The following FARS2 variants were observed in gnomAD, a reference collection of about 807,000 sequenced individuals.
FARS2 encodes phenylalanyl-tRNA synthetase 2, mitochondrial, also known as phenylalanine--tRNA ligase, mitochondrial.
Under a neutral mutation model 46.4 loss-of-function variants are expected in FARS2, and 40 were observed. The ratio of observed to expected loss-of-function variants is 0.86; its 90% CI spans 0.67 to 1.12. The LOEUF is 1.12. Ranked by LOEUF, FARS2 falls within the 50% of genes most tolerant of loss-of-function variation. FARS2 has a pLI of 0.00. For missense variants in FARS2, 513 were observed against 567.9 expected, an observed-to-expected ratio of 0.90 and a Z score of 0.98; for synonymous variants, 234 against 214.9, an observed-to-expected ratio of 1.09 and a Z score of -0.78.
At chr6:5,596,336 T>C (rs1774195951) in intron 5 of FARS2, among the ~76,000 whole-genome samples, 1 of 152,210 alleles carries the variant, frequency 6.6e-6, no homozygotes, top group Non-Finnish European at 1.5e-5. Context: ...CTGCACCCCC[T>C]TTCCCCGTCC....
At chr6:5,329,693 G>C (rs1221399020) in intron 1 of FARS2, among the ~76,000 whole-genome samples, 1 of 152,158 alleles carries the variant, frequency 6.6e-6, no homozygotes, top group Non-Finnish European at 1.5e-5. Context: ...AGGTTTCCCA[G>C]AACTCAGGAA....
At chr6:5,310,575 C>T (rs531975892) in intron 1 of FARS2, among the ~76,000 whole-genome samples, 3 of 151,728 alleles carry the variant, frequency 2.0e-5, no homozygotes, top group African/African-American at 4.8e-5. Flanking sequence ...TGTGTGTGTG[C>T]GTGTGAATTG....
intron 2 of FARS2, among the ~76,000 whole-genome samples, chr6:5,381,035 CTG>C (rs1759736370): frequency 6.7e-6 from 1 of 148,980 alleles, no homozygotes; most frequent in South Asian, 2.1e-4. Flanking sequence ...GAGTCTCGCT[CTG>C]TCGCCCAGGC....
At chr6:5,705,314 G>GCCCCGGGGGGCTTCCTAGGCCACAGCAC (rs1258498736) in intron 6 of FARS2, among the ~76,000 whole-genome samples, 1 of 152,048 alleles carries the variant, frequency 6.6e-6, no homozygotes, top group African/African-American at 2.4e-5. Flanking sequence ...CATGCTCAGA[G>GCCCCGGGGGGCTTCCTAGGCCACAGCAC]GAAAAGCAGA....
chr6:5,597,221 A>T (rs955983321), intron 5 of FARS2, among the ~76,000 whole-genome samples: 1 of 152,128 alleles, frequency 6.6e-6, no homozygotes, highest in African/African-American at 2.4e-5. Flanking sequence ...ATGTTTTGTT[A>T]TTTGAATGGA....
At chr6:5,510,479 C>A (rs574385791) in intron 4 of FARS2, among the ~76,000 whole-genome samples, 21 of 151,880 alleles carry the variant, frequency 1.4e-4, no homozygotes, top group Admixed American at 6.5e-4. Context: ...CCTGGCCTGT[C>A]TTTCGCCCTA....
intron 5 of FARS2, among the ~76,000 whole-genome samples, chr6:5,580,796 C>T (rs1773287154): frequency 1.3e-5 from 2 of 152,284 alleles, no homozygotes; most frequent in South Asian, 4.1e-4. Flanking sequence ...TCCAGGCAGC[C>T]CTCTTCACGT....
At chr6:5,438,246 GCCCCCCCC>G (rs111391099) in intron 4 of FARS2, among the ~76,000 whole-genome samples, 3 of 35,762 alleles carry the variant, frequency 8.4e-5, no homozygotes. Flanking sequence ...CCCACCCCCC[GCCCCCCCC>G]CCCATTTTTG....
At chr6:5,331,142 C>A (rs1006809695) in intron 1 of FARS2, among the ~76,000 whole-genome samples, 1 of 150,316 alleles carries the variant, frequency 6.7e-6, no homozygotes, top group African/African-American at 2.4e-5. Context: ...TCTTATTCTA[C>A]ATATTTTTTT....
intron 6 of FARS2, among the ~76,000 whole-genome samples, chr6:5,688,511 T>G (rs1757429141): frequency 6.6e-6 from 1 of 152,230 alleles, no homozygotes; most frequent in African/African-American, 2.4e-5. Context: ...GTTTATCGAT[T>G]TGCGTATGTT....
At chr6:5,540,633 G>T (rs544944873) in intron 4 of FARS2, among the ~76,000 whole-genome samples, 15 of 152,316 alleles carry the variant, frequency 9.8e-5, no homozygotes, top group East Asian at 5.8e-4. Context: ...TCTAAAACTC[G>T]TTTATGGAGT....
At chr6:5,467,783 G>C (rs60746453) in intron 4 of FARS2, among the ~76,000 whole-genome samples, 5,490 of 152,208 alleles carry the variant, frequency 0.036, 310 homozygotes, top group African/African-American at 0.13. Context: ...ACCAAAAGAT[G>C]ATTTCTAAGA....
At chr6:5,270,105 A>G (rs1466890383) in intron 1 of FARS2, among the ~76,000 whole-genome samples, 1 of 152,206 alleles carries the variant, frequency 6.6e-6, no homozygotes, top group African/African-American at 2.4e-5. Flanking sequence ...TGGGAGAATT[A>G]TCTTTTTTTA....
chr6:5,557,681 G>C lies in FARS2; in HGVS notation c.1065+12341G>C, dbSNP rs6909169. ...TGGTCACTTATGAAATGGATGATAGGGGGTACTGGAAAAACTGTTGCAGCC... is the reference window on the plus strand; with the variant it reads ...TGGTCACTTATGAAATGGATGATAGCGGGTACTGGAAAAACTGTTGCAGCC... On this transcript the variant is annotated intron_variant, in intron 5 of 6. Coordinates refer to ENST00000274680, the MANE Select transcript of FARS2 (RefSeq NM_006567.5). Among the ~76,000 whole-genome samples the C allele has an allele frequency of 8.7e-3, 1,324 of 152,230 alleles. 30 individuals carry two copies. The highest frequency in any genetic ancestry group is 0.031 in the African/African-American group (1,285 of 41,496).
At chr6:5,438,295 G>T in intron 4 of FARS2, among the ~76,000 whole-genome samples, 1 of 110,642 alleles carries the variant, frequency 9.0e-6, no homozygotes, top group African/African-American at 3.6e-5. Flanking sequence ...GATATGTCTA[G>T]GTATGGTTTT....
chr6:5,334,529 A>G (rs532441448), intron 1 of FARS2, among the ~76,000 whole-genome samples: 16 of 152,328 alleles, frequency 1.1e-4, no homozygotes, highest in African/African-American at 3.8e-4. Flanking sequence ...ACTTGGCACC[A>G]TTGAAAAGAA....
At chr6:5,314,439 GGTCATT>G (rs909475534) in intron 1 of FARS2, among the ~76,000 whole-genome samples, 4 of 152,096 alleles carry the variant, frequency 2.6e-5, no homozygotes, top group Admixed American at 2.0e-4. Flanking sequence ...TTTCTGCAGG[GGTCATT>G]CTACCAGACC....
intron 1 of FARS2, among the ~76,000 whole-genome samples, chr6:5,357,812 C>T (rs186081818): frequency 6.6e-6 from 1 of 152,180 alleles, no homozygotes; most frequent in African/African-American, 2.4e-5. Context: ...GGTCATTTGG[C>T]ATGATTTTCA....
chr6:5,394,859 A>C (rs1418999274), intron 2 of FARS2, among the ~76,000 whole-genome samples: 1 of 152,008 alleles, frequency 6.6e-6, no homozygotes, highest in Non-Finnish European at 1.5e-5. Flanking sequence ...TTGACGTCAC[A>C]CTCATTTTGC....
Sources: gnomAD v4.1 joint callset for allele counts (sites outside exome capture counted in the v4.1 genomes callset) on GRCh38, gnomAD v4.1.1 for gene constraint, MANE v1.5 for transcripts, NCBI Gene and HGNC (gene_info 2026-07-23, HGNC 2026-07-21) for gene names.